The following MAPK9 variants were observed in gnomAD, a reference collection of about 807,000 sequenced individuals.
MAPK9 encodes the protein mitogen-activated protein kinase 9, also known as Jun kinase.
A neutral mutation model predicts 57.1 loss-of-function variants in MAPK9; 30 were observed. The observed-to-expected ratio is 0.53, with a 90% CI of 0.39 to 0.71. MAPK9 has a LOEUF of 0.71. Among genes scored for constraint, MAPK9 ranks in the 30% least tolerant of loss-of-function variants. MAPK9 has a pLI of 0.00. For missense variants in MAPK9, 362 were observed against 521.0 expected, an observed-to-expected ratio of 0.69 and a Z score of 2.97; for synonymous variants, 155 against 177.0, an observed-to-expected ratio of 0.88 and a Z score of 0.99.
chr5:180,269,264 TAC>T lies in MAPK9; in HGVS notation c.252+14_252+15del, dbSNP rs753186261. ...ACAATATGGAAGCACACAGACAAAA[TAC>T]ATACATAACTTACATTTTTATGATT... On this transcript the variant is annotated intron_variant, in intron 3 of 11. Coordinates refer to ENST00000452135, the MANE Select transcript of MAPK9 (RefSeq NM_002752.5). 8 of 1,610,942 alleles carry T rather than the reference TAC, an allele frequency of 5.0e-6. No individual in the cohort carries two copies. Among genetic ancestry groups the T allele is most frequent in the Non-Finnish European group, 6.8e-6 (8 of 1,177,498 alleles).
chr5:180,246,333 CTT>C (rs1298946087), intron 7 of MAPK9: 2 of 151,982 alleles, frequency 1.3e-5, no homozygotes, highest in Admixed American at 6.6e-5. Context: ...AATAAAATAA[CTT>C]GACATATTAT....
At chr5:180,270,640 C>G (rs957453994) in intron 2 of MAPK9, among the ~76,000 whole-genome samples, 1 of 152,048 alleles carries the variant, frequency 6.6e-6, no homozygotes, top group Non-Finnish European at 1.5e-5. Context: ...CGCTTGAGCC[C>G]AGGAGTTTGA....
intron 1 of MAPK9, among the ~76,000 whole-genome samples, chr5:180,283,807 G>T (rs947528202): frequency 6.6e-6 from 1 of 152,112 alleles, no homozygotes; most frequent in East Asian, 1.9e-4. Flanking sequence ...GTGGTAGTGC[G>T]TGCCTGTAAT....
chr5:180,265,214 C>A (rs1760402272), intron 3 of MAPK9, among the ~76,000 whole-genome samples: 1 of 152,170 alleles, frequency 6.6e-6, no homozygotes, highest in Non-Finnish European at 1.5e-5. Context: ...AGGCTAAGCT[C>A]TTGTTTTTGG....
chr5:180,249,398 G>A (rs1028602710), intron 5 of MAPK9, among the ~76,000 whole-genome samples: 1 of 151,942 alleles, frequency 6.6e-6, no homozygotes, highest in Non-Finnish European at 1.5e-5. Flanking sequence ...AGGCCCTCAG[G>A]CTGTCCTATC....
intron 2 of MAPK9, among the ~76,000 whole-genome samples, chr5:180,276,715 G>C (rs371845859): frequency 6.6e-5 from 10 of 152,250 alleles, no homozygotes; most frequent in Non-Finnish European, 1.0e-4. Flanking sequence ...TTAGCTGGGC[G>C]TGGTGGCGCA....
intron 2 of MAPK9, among the ~76,000 whole-genome samples, chr5:180,269,680 C>T (rs1282724704): frequency 6.6e-6 from 1 of 152,136 alleles, no homozygotes; most frequent in Non-Finnish European, 1.5e-5. Flanking sequence ...AGATTACATT[C>T]AAAACCAGGT....
At chr5:180,268,771 G>A (rs373934731) in intron 3 of MAPK9, among the ~76,000 whole-genome samples, 7 of 151,032 alleles carry the variant, frequency 4.6e-5, no homozygotes, top group South Asian at 4.2e-4. Context: ...AGCTTGCAGC[G>A]AGCCAAGATC....
At position 180,260,095 on chromosome 5, in the gene MAPK9, C is replaced by G. The variant is rs34000522; in HGVS notation, c.450+1589G>C. Reference sequence around the variant, plus strand: ...ACTCTTCCATTTCCCTTTGAAAATACGAAACAAAACTACTACTGAGGAAAA... The same window carrying G: ...ACTCTTCCATTTCCCTTTGAAAATAGGAAACAAAACTACTACTGAGGAAAA... On this transcript the variant is annotated intron_variant, in intron 5 of 11. Coordinates refer to ENST00000452135, the MANE Select transcript of MAPK9 (RefSeq NM_002752.5). Among the ~76,000 whole-genome samples the G allele has an allele frequency of 6.1e-3, 923 of 152,206 alleles. 21 individuals are homozygous for G. Among genetic ancestry groups the G allele is most frequent in the South Asian group, 0.055 (267 of 4,822 alleles).
intron 10 of MAPK9, among the ~76,000 whole-genome samples, chr5:180,238,900 C>T (rs1036518525): frequency 3.9e-5 from 6 of 152,296 alleles, no homozygotes; most frequent in South Asian, 2.1e-4. Context: ...TGAGCCACTG[C>T]GCCTGGACTA....
At chr5:180,257,603 G>A (rs186967996) in intron 5 of MAPK9, 1 of 152,364 alleles carries the variant, frequency 6.6e-6, no homozygotes, top group East Asian at 1.9e-4. Context: ...GCCCTAGGTG[G>A]CTCTGCCACA....
At chr5:180,248,635 G>A (rs991254089) in intron 6 of MAPK9, among the ~76,000 whole-genome samples, 16 of 152,314 alleles carry the variant, frequency 1.1e-4, no homozygotes, top group Non-Finnish European at 1.3e-4. Context: ...CGTGGGCTGC[G>A]AGGAGGGGCC....
intron 5 of MAPK9, among the ~76,000 whole-genome samples, chr5:180,249,665 C>T (rs764131310): frequency 2.6e-5 from 4 of 152,144 alleles, no homozygotes; most frequent in Non-Finnish European, 5.9e-5. Flanking sequence ...ATAATGCGAA[C>T]GATGTGTATA....
intron 4 of MAPK9, among the ~76,000 whole-genome samples, chr5:180,262,172 G>C (rs1297023321): frequency 1.3e-5 from 2 of 152,134 alleles, no homozygotes; most frequent in African/African-American, 4.8e-5. Flanking sequence ...TCTGGTGGGA[G>C]ATGCTGAGAA....
intron 6 of MAPK9, among the ~76,000 whole-genome samples, 185 bp downstream of exon 6, chr5:180,248,788 G>C (rs540338148): frequency 9.2e-5 from 14 of 152,268 alleles, no homozygotes; most frequent in African/African-American, 3.4e-4. Flanking sequence ...ATTTTTAAAA[G>C]AGAATGATTT....
chr5:180,267,908 G>C (rs1760812184), intron 3 of MAPK9, among the ~76,000 whole-genome samples: 1 of 151,934 alleles, frequency 6.6e-6, no homozygotes, highest in Non-Finnish European at 1.5e-5. Context: ...TGTCGCCCAG[G>C]CTGGAGTGCA....
At chr5:180,263,905 C>G (rs558810793) in intron 4 of MAPK9, among the ~76,000 whole-genome samples, 1 of 152,094 alleles carries the variant, frequency 6.6e-6, no homozygotes, top group Non-Finnish European at 1.5e-5. Flanking sequence ...CGGGGTTTCA[C>G]CGTGTTAGCC....
At chr5:180,254,287 T>C (rs747081746) in intron 5 of MAPK9, among the ~76,000 whole-genome samples, 1 of 152,174 alleles carries the variant, frequency 6.6e-6, no homozygotes, top group Non-Finnish European at 1.5e-5. Context: ...ATCTTAAACA[T>C]GATCCAACCA....
chr5:180,279,833 T>C (rs925778749), intron 2 of MAPK9: 3 of 456,454 alleles, frequency 6.6e-6, no homozygotes, highest in African/African-American at 6.0e-5. Context: ...GCTGACCGTC[T>C]TACCATGCAA....
Sources: gnomAD v4.1 joint callset for allele counts (sites outside exome capture counted in the v4.1 genomes callset) on GRCh38, gnomAD v4.1.1 for gene constraint, MANE v1.5 for transcripts, NCBI Gene and HGNC (gene_info 2026-07-23, HGNC 2026-07-21) for gene names.